The following UBE2E2 variants were observed in gnomAD, a reference collection of about 807,000 sequenced individuals.
The protein encoded by UBE2E2 is ubiquitin conjugating enzyme E2 E2, also known as ubiquitin-conjugating enzyme E2 E2.
A neutral mutation model predicts 24.7 loss-of-function variants in UBE2E2; 6 were observed. The ratio of observed to expected loss-of-function variants is 0.24; its 90% CI spans 0.13 to 0.48. The LOEUF (loss-of-function observed/expected upper bound fraction) is 0.48. UBE2E2 is among the 20% of genes least tolerant of loss of function. UBE2E2 has a pLI of 0.99. For missense variants in UBE2E2, 169 were observed against 245.0 expected (o/e 0.69, Z 2.07); for synonymous variants, 104 against 83.6 (o/e 1.24, Z -1.33).
intron 3 of UBE2E2, among the ~76,000 whole-genome samples, chr3:23,278,689 C>T (rs1048740216): frequency 5.3e-5 from 8 of 151,936 alleles, no homozygotes; most frequent in Non-Finnish European, 1.2e-4. Context: ...CCTTTCAAAA[C>T]GTATTGAGCA....
chr3:23,353,592 G>A (rs963444445), intron 3 of UBE2E2, among the ~76,000 whole-genome samples: 25 of 151,872 alleles, frequency 1.6e-4, no homozygotes, highest in South Asian at 4.2e-4. Context: ...TACACCAATA[G>A]CAGACAAACA....
intron 3 of UBE2E2, among the ~76,000 whole-genome samples, chr3:23,341,950 C>T (rs536044503): frequency 2.2e-4 from 33 of 152,196 alleles, no homozygotes; most frequent in Non-Finnish European, 4.4e-4. Flanking sequence ...ATACATAGTT[C>T]CATATAACAA....
intron 5 of UBE2E2, among the ~76,000 whole-genome samples, chr3:23,579,701 TAAAAA>T (rs557538648): frequency 4.1e-5 from 6 of 148,044 alleles, no homozygotes; most frequent in African/African-American, 1.5e-4. Flanking sequence ...CCCTGTCTCT[TAAAAA>T]AAAAAGAAAA....
intron 3 of UBE2E2, among the ~76,000 whole-genome samples, chr3:23,416,954 C>A (rs1389536617): frequency 6.6e-6 from 1 of 152,160 alleles, no homozygotes; most frequent in African/African-American, 2.4e-5. Context: ...ATTCCTCTAA[C>A]CTTTTTTCAA....
intron 5 of UBE2E2, among the ~76,000 whole-genome samples, chr3:23,552,161 G>A (rs1047044458): frequency 3.9e-5 from 6 of 152,086 alleles, no homozygotes. Flanking sequence ...TTTGTTGTAT[G>A]GCCACCCGGG....
chr3:23,283,916 T>C (rs1698546635), intron 3 of UBE2E2, among the ~76,000 whole-genome samples: 1 of 152,200 alleles, frequency 6.6e-6, no homozygotes, highest in Non-Finnish European at 1.5e-5. Flanking sequence ...TTCTGATATG[T>C]GCACAAGTTT....
chr3:23,392,378 G>T (rs1164991488), intron 3 of UBE2E2, among the ~76,000 whole-genome samples: 1 of 152,150 alleles, frequency 6.6e-6, no homozygotes, highest in Non-Finnish European at 1.5e-5. Context: ...CTATTCAAGA[G>T]ATAGTATTTG....
At chr3:23,297,240 T>G (rs1698938352) in intron 3 of UBE2E2, among the ~76,000 whole-genome samples, 2 of 152,094 alleles carry the variant, frequency 1.3e-5, no homozygotes, top group South Asian at 2.1e-4. Flanking sequence ...TTGCAAAAAT[T>G]TTCTCCCATT....
chr3:23,428,822 C>G (rs1273928708), intron 3 of UBE2E2, among the ~76,000 whole-genome samples: 2 of 149,380 alleles, frequency 1.3e-5, no homozygotes, highest in Admixed American at 6.8e-5. Flanking sequence ...GCCACCACAT[C>G]ACAGTTACTC....
intron 3 of UBE2E2, among the ~76,000 whole-genome samples, chr3:23,385,911 A>G (rs1432470194): frequency 5.3e-5 from 8 of 152,228 alleles, no homozygotes; most frequent in Admixed American, 5.2e-4. Flanking sequence ...TATTGTCATC[A>G]TTTTGTTTTT....
chr3:23,456,657 G>A (rs903983808), intron 3 of UBE2E2, among the ~76,000 whole-genome samples: 57 of 152,290 alleles, frequency 3.7e-4, no homozygotes, highest in African/African-American at 1.3e-3. Context: ...TCTCAACAGT[G>A]GACTTTAAAA....
At chr3:23,203,545 C>T in intron 1 of UBE2E2, 81 bp downstream of exon 1, 1 of 860,784 alleles carries the variant, frequency 1.2e-6, no homozygotes. Context: ...CCCCCGACCT[C>T]CCCTCCGCGT....
intron 3 of UBE2E2, among the ~76,000 whole-genome samples, chr3:23,398,820 A>G (rs752061257): frequency 6.6e-6 from 1 of 152,218 alleles, no homozygotes; most frequent in Non-Finnish European, 1.5e-5. Context: ...TTAAACCTTG[A>G]AATCAAGTCC....
chr3:23,400,907 AT>A (rs1697207099), intron 3 of UBE2E2, among the ~76,000 whole-genome samples: 1 of 152,132 alleles, frequency 6.6e-6, no homozygotes, highest in South Asian at 2.1e-4. Flanking sequence ...TTAGTTTTCA[AT>A]GAGTTTATGT....
At chr3:23,232,590 G>A (rs1440297394) in intron 3 of UBE2E2, among the ~76,000 whole-genome samples, 1 of 152,110 alleles carries the variant, frequency 6.6e-6, no homozygotes. Context: ...ATAAATGTTA[G>A]TGAAGAAAAG....
intron 3 of UBE2E2, among the ~76,000 whole-genome samples, chr3:23,399,335 AT>A (rs1216521387): frequency 6.6e-6 from 1 of 152,208 alleles, no homozygotes; most frequent in African/African-American, 2.4e-5. Flanking sequence ...CAACACTGAG[AT>A]ATCCTGATAA....
intron 3 of UBE2E2, among the ~76,000 whole-genome samples, chr3:23,242,383 C>A: frequency 1.4e-5 from 1 of 70,460 alleles, no homozygotes; most frequent in African/African-American, 5.8e-5. Context: ...GTTTTTTTTC[C>A]CCGCCCCCCG....
intron 3 of UBE2E2, among the ~76,000 whole-genome samples, chr3:23,239,511 G>A (rs2125337098): frequency 6.6e-6 from 1 of 151,934 alleles, no homozygotes; most frequent in South Asian, 2.1e-4. Context: ...TGGGCATTTT[G>A]TATAAATGGA....
intron 3 of UBE2E2, among the ~76,000 whole-genome samples, chr3:23,270,394 T>C (rs1698204981): frequency 6.6e-6 from 1 of 152,152 alleles, no homozygotes; most frequent in Non-Finnish European, 1.5e-5. Context: ...TCCTGCACTC[T>C]TTTGTATGAG....
Sources: allele counts gnomAD v4.1 joint callset (sites outside exome capture counted in the v4.1 genomes callset), GRCh38; gene constraint gnomAD v4.1.1; transcripts MANE v1.5; gene names NCBI Gene and HGNC (gene_info 2026-07-23, HGNC 2026-07-21).